FAM83A: variants seen among roughly 807,000 people sequenced by gnomAD.
The protein encoded by FAM83A is scaffolding CK1 anchoring protein A.
Under a neutral mutation model 24.4 loss-of-function variants are expected in FAM83A, and 21 were observed. The ratio of observed to expected loss-of-function variants is 0.86; its 90% CI spans 0.61 to 1.24. The LOEUF (loss-of-function observed/expected upper bound fraction) is 1.24. Among genes scored for constraint, FAM83A ranks in the 50% most tolerant of loss-of-function variants. The pLI, the probability that FAM83A is intolerant of heterozygous loss-of-function variation, is 0.00. For synonymous variants in FAM83A, 270 were observed against 252.4 expected, an observed-to-expected ratio of 1.07 and a Z score of -0.66; for missense variants, 617 against 579.8, an observed-to-expected ratio of 1.06 and a Z score of -0.66.
rs1223882818 is a variant in FAM83A, at chr8:123,209,461, A to T, written c.*1773A>T. ...TAAACAAAACAAAACAAAAACAAAA[A>T]AACAAACAACACTTTGGTTCCTGAT... is the stretch of plus-strand genomic sequence containing the variant. On this transcript the variant is annotated 3_prime_UTR_variant, in exon 4 of 4. Transcript: ENST00000690554. The surrounding 1 kb of genome is among the most constrained non-coding windows in gnomAD (Gnocchi z 4.7). 3 of 1,614,076 alleles carry T rather than the reference A, an allele frequency of 1.9e-6. No individual in the cohort carries two copies. The highest frequency in any genetic ancestry group is 1.7e-5 in the Admixed American group (1 of 60,000).
chr8:123,183,523 G>A (rs776089033), intron 1 of FAM83A, among the ~76,000 whole-genome samples, 187 bp downstream of exon 1: 1 of 152,046 alleles, frequency 6.6e-6, no homozygotes, highest in Non-Finnish European at 1.5e-5. Flanking sequence ...GTCACAGCCA[G>A]GGTCCAGGCC....
At chr8:123,191,711 C>T in intron 1 of FAM83A, 92 bp from the exon 2 acceptor site, 1 of 1,401,022 alleles carries the variant, frequency 7.1e-7, no homozygotes. Context: ...GAACAGCTCT[C>T]CCAGGCCCAC....
chr8:123,197,014 C>A (rs748705393), intron 3 of FAM83A, among the ~76,000 whole-genome samples: 16 of 152,216 alleles, frequency 1.1e-4, no homozygotes, highest in Non-Finnish European at 2.2e-4. Flanking sequence ...ACCACCATCA[C>A]CCCTGGTCCA....
chr8:123,186,659 G>A (rs758363655), intron 1 of FAM83A, among the ~76,000 whole-genome samples: 6 of 152,174 alleles, frequency 3.9e-5, no homozygotes, highest in South Asian at 2.1e-4. Flanking sequence ...GTGAAACCCC[G>A]TCCCTACTAA....
rs1471945577 is a variant in FAM83A at position 123,209,630 on chromosome 8, C to G, written c.*1942C>G. 6.8e-7 allele frequency: 1 copy of G among 1,468,028 alleles called. No individual in the cohort carries two copies. The allele number at this position is 1,468,028 out of a possible 1,614,324, so 90.9% of individuals were successfully genotyped here. A position where few individuals can be genotyped will look rare whatever the true frequency, so the allele number is the denominator to read the frequency against. Reference sequence around the variant, plus strand: ...AAGGAAGGCAAAGCTTGCCAGGTCACAGAAGCTCCCAAGCCCAGCTTTCCA... The same window carrying G: ...AAGGAAGGCAAAGCTTGCCAGGTCAGAGAAGCTCCCAAGCCCAGCTTTCCA... On this transcript the variant is annotated 3_prime_UTR_variant, in exon 4 of 4. Coordinates refer to ENST00000690554, the Ensembl canonical transcript of FAM83A. This position sits in a 1 kb window ranked among gnomAD's most constrained non-coding sequence, Gnocchi z 4.7.
At chr8:123,192,591 T>C (rs540662074) in intron 2 of FAM83A, among the ~76,000 whole-genome samples, 1 of 152,358 alleles carries the variant, frequency 6.6e-6, no homozygotes, top group Admixed American at 6.5e-5. Context: ...ATAGCTTTCA[T>C]GAGTAGGCCT....
At chr8:123,193,999 G>A (rs1030245899) in intron 2 of FAM83A, 25 bp from the exon 3 acceptor site, 2 of 1,613,598 alleles carry the variant, frequency 1.2e-6, no homozygotes, top group Non-Finnish European at 1.7e-6. Flanking sequence ...ATTAGGAAGT[G>A]ACACCTTGAC....
intron 3 of FAM83A, among the ~76,000 whole-genome samples, chr8:123,200,891 G>A (rs557741215): frequency 6.8e-6 from 1 of 147,630 alleles, no homozygotes; most frequent in South Asian, 2.1e-4. Flanking sequence ...GGAGGCAGAG[G>A]TTGCAGTGAG....
At chr8:123,197,920 A>G (rs61176754) in intron 3 of FAM83A, among the ~76,000 whole-genome samples, 7,534 of 152,270 alleles carry the variant, frequency 0.049, 511 homozygotes, top group African/African-American at 0.15. Flanking sequence ...ACCTGAGGTC[A>G]GTAGTTTGAG....
intron 3 of FAM83A, among the ~76,000 whole-genome samples, chr8:123,204,315 G>A (rs11985341): frequency 0.071 from 10,848 of 152,128 alleles, 1,127 homozygotes; most frequent in African/African-American, 0.23. Context: ...TTTAGGTAGT[G>A]GGTTCATAAG....
upstream of FAM83A, among the ~76,000 whole-genome samples, chr8:123,180,877 G>A (rs1415143292): frequency 6.6e-6 from 1 of 151,602 alleles, no homozygotes; most frequent in Middle Eastern, 3.2e-3. Context: ...TTGTGAATTG[G>A]ATTCCTTCGA....
chr8:123,183,774 C>T (rs1823702981), intron 1 of FAM83A, among the ~76,000 whole-genome samples: 1 of 150,606 alleles, frequency 6.6e-6, no homozygotes, highest in Non-Finnish European at 1.5e-5. Flanking sequence ...CGGGTCACTG[C>T]AACCTCCAAC....
chr8:123,197,511 T>C (rs954648424), intron 3 of FAM83A, among the ~76,000 whole-genome samples: 4 of 152,256 alleles, frequency 2.6e-5, no homozygotes, highest in African/African-American at 9.6e-5. Context: ...TCCCTTTTCA[T>C]GGCTGAGCAA....
upstream of FAM83A, chr8:123,180,151 G>C (rs553014272): frequency 2.6e-5 from 4 of 152,174 alleles, no homozygotes; most frequent in Non-Finnish European, 5.9e-5. Context: ...CCAGCATGCA[G>C]TGAGCACTCA....
intron 3 of FAM83A, among the ~76,000 whole-genome samples, chr8:123,197,748 AGAAATCAAAGAACAGGTGCAGTTT>A (rs1383160097): frequency 6.6e-6 from 1 of 152,236 alleles, no homozygotes; most frequent in Non-Finnish European, 1.5e-5. Flanking sequence ...GGATTCCCGA[AGAAATCAAAGAACAGGTGCAGTTT>A]GAAATCAAAG....
At chr8:123,197,231 G>A (rs911199783) in intron 3 of FAM83A, among the ~76,000 whole-genome samples, 6 of 152,126 alleles carry the variant, frequency 3.9e-5, no homozygotes, top group Admixed American at 3.3e-4. Flanking sequence ...GTCCTCAAAC[G>A]TTATAGAATT....
exon 4 of FAM83A, chr8:123,208,316 C>T (rs965691016): frequency 1.0e-6 from 1 of 985,610 alleles, no homozygotes. Flanking sequence ...AAGCTGTAGC[C>T]ACCAGGGATG....
chr8:123,186,403 C>T (rs968701276), intron 1 of FAM83A, among the ~76,000 whole-genome samples: 4 of 150,894 alleles, frequency 2.7e-5, no homozygotes, highest in Non-Finnish European at 4.5e-5. Context: ...TGAATTCTCC[C>T]TCTCCTAAGC....
chr8:123,196,675 C>T (rs909136034), intron 3 of FAM83A, among the ~76,000 whole-genome samples: 3 of 152,170 alleles, frequency 2.0e-5, no homozygotes, highest in Non-Finnish European at 2.9e-5. Context: ...CACTGTTTTT[C>T]GACATTTTGG....
Sources: allele counts gnomAD v4.1 joint callset (sites outside exome capture counted in the v4.1 genomes callset), GRCh38; gene constraint gnomAD v4.1.1; non-coding constraint Gnocchi (gnomAD v3.1); transcripts MANE v1.5; gene names NCBI Gene and HGNC (gene_info 2026-07-23, HGNC 2026-07-21).